The following PIERCE2 variants were observed in gnomAD, a reference collection of about 807,000 sequenced individuals.
PIERCE2 encodes the protein piercer of microtubule wall 2 protein.
At chr15:55,408,890 G>C in the PIERCE2 span, 2 of 770,554 alleles carry the variant, frequency 2.6e-6, no homozygotes, top group African/African-American at 3.6e-5. Context: ...ACCCCGAAAA[G>C]CACTTTACAA....
chr15:55,412,017 G>T, the PIERCE2 span, among the ~76,000 whole-genome samples: 11 of 148,598 alleles, frequency 7.4e-5, no homozygotes, highest in Admixed American at 2.1e-4. Context: ...CTTGAACCCA[G>T]GAGGCAGAGG....
the PIERCE2 span, among the ~76,000 whole-genome samples, chr15:55,414,735 G>T: frequency 6.6e-6 from 1 of 151,810 alleles, no homozygotes; most frequent in Admixed American, 6.6e-5. Flanking sequence ...AAAATTAGCT[G>T]GGCATGGTGG....
chr15:55,416,948 G>A, the PIERCE2 span, among the ~76,000 whole-genome samples: 1 of 151,982 alleles, frequency 6.6e-6, no homozygotes, highest in African/African-American at 2.4e-5. Flanking sequence ...ATGACAGAGC[G>A]AGACTCTGTC....
At chr15:55,409,912 A>C in the PIERCE2 span, among the ~76,000 whole-genome samples, 1 of 152,190 alleles carries the variant, frequency 6.6e-6, no homozygotes, top group African/African-American at 2.4e-5. Context: ...ATTTTAATTA[A>C]CCTTTTTATC....
chr15:55,413,966 C>T, the PIERCE2 span, among the ~76,000 whole-genome samples: 6 of 150,308 alleles, frequency 4.0e-5, no homozygotes, highest in Non-Finnish European at 8.9e-5. Flanking sequence ...GGCAGGATCT[C>T]GGCTCAAGGC....
At chr15:55,408,731 A>G in the PIERCE2 span, 1 of 1,509,128 alleles carries the variant, frequency 6.6e-7, no homozygotes, top group Non-Finnish European at 8.9e-7. Context: ...CTGCATGAAA[A>G]CTGACTTTGC....
chr15:55,413,760 C>CAAAA, the PIERCE2 span, among the ~76,000 whole-genome samples: 130 of 111,454 alleles, frequency 1.2e-3, 2 homozygotes, highest in Non-Finnish European at 1.3e-3. Flanking sequence ...AACTCCGTTT[C>CAAAA]AAAAAAAAAA....
the PIERCE2 span, among the ~76,000 whole-genome samples, chr15:55,409,020 G>C: frequency 6.6e-6 from 1 of 151,986 alleles, no homozygotes; most frequent in Non-Finnish European, 1.5e-5. Flanking sequence ...GTTGCAAACT[G>C]TTCAGTGATG....
At chr15:55,418,202 T>A in the PIERCE2 span, 2 of 1,569,580 alleles carry the variant, frequency 1.3e-6, no homozygotes, top group South Asian at 2.4e-5. Context: ...TGGAGAATGA[T>A]TTTATGTGTT....
the PIERCE2 span, chr15:55,418,697 G>A: frequency 1.5e-6 from 1 of 654,256 alleles, no homozygotes; most frequent in African/African-American, 1.8e-5. Flanking sequence ...GTTAAATAAA[G>A]TATTTCAACT....
chr15:55,408,719 TG>T, the PIERCE2 span: 1 of 1,401,166 alleles, frequency 7.1e-7, no homozygotes, highest in Non-Finnish European at 9.7e-7. Flanking sequence ...TCTTGCCATC[TG>T]CTGCATGAAA....
the PIERCE2 span, among the ~76,000 whole-genome samples, chr15:55,412,778 C>CA: frequency 2.0e-5 from 3 of 150,488 alleles, no homozygotes; most frequent in East Asian, 2.0e-4. Flanking sequence ...ATCTCTGTCT[C>CA]AAAAAAAAGA....
chr15:55,415,182 G>C, the PIERCE2 span, among the ~76,000 whole-genome samples: 1 of 151,626 alleles, frequency 6.6e-6, no homozygotes, highest in South Asian at 2.1e-4. Flanking sequence ...AGAAGGAAGG[G>C]CTTGGCCGGG....
the PIERCE2 span, among the ~76,000 whole-genome samples, chr15:55,416,247 A>G: frequency 0.98 from 149,381 of 152,018 alleles, 73,442 homozygotes; most frequent in Non-Finnish European, 1. Flanking sequence ...GACTACAGGC[A>G]CATCCCACCA....
the PIERCE2 span, among the ~76,000 whole-genome samples, chr15:55,415,245 A>G: frequency 1.3e-5 from 2 of 152,074 alleles, no homozygotes; most frequent in Non-Finnish European, 2.9e-5. Flanking sequence ...AGGCAGGTGG[A>G]TCACCTAAGG....
the PIERCE2 span, among the ~76,000 whole-genome samples, chr15:55,412,076 G>A: frequency 8.6e-6 from 1 of 116,460 alleles, no homozygotes; most frequent in African/African-American, 3.2e-5. Flanking sequence ...GGGCAACAGA[G>A]TGAGACTTTG....
chr15:55,415,542 C>CT, the PIERCE2 span, among the ~76,000 whole-genome samples: 2 of 152,014 alleles, frequency 1.3e-5, no homozygotes, highest in Non-Finnish European at 2.9e-5. Context: ...ACCTAGCTCC[C>CT]TGAGTGAGCA....
the PIERCE2 span, chr15:55,418,421 C>G: frequency 5.9e-6 from 9 of 1,528,286 alleles, no homozygotes; most frequent in Non-Finnish European, 7.9e-6. Flanking sequence ...TCTACCTATT[C>G]CACAGTTTTT....
chr15:55,410,905 T>C, the PIERCE2 span: 1 of 152,182 alleles, frequency 6.6e-6, no homozygotes, highest in African/African-American at 2.4e-5. Flanking sequence ...ATTCTTATGA[T>C]TTACTATTAT....
Sources: gnomAD v4.1 joint callset for allele counts (sites outside exome capture counted in the v4.1 genomes callset) on GRCh38, gnomAD v4.1.1 for gene constraint, MANE v1.5 for transcripts, NCBI Gene and HGNC (gene_info 2026-07-23, HGNC 2026-07-21) for gene names.